Variants in GNA15 observed in about 807,000 individuals in gnomAD.
The protein encoded by GNA15 is G protein subunit alpha 15.
A neutral mutation model predicts 40.1 loss-of-function variants in GNA15; 23 were observed. The observed-to-expected ratio is 0.57, with a 90% CI of 0.41 to 0.81. The LOEUF is 0.81. GNA15 is among the 40% of genes least tolerant of loss of function. The pLI is 0.00. For missense variants in GNA15, 522 were observed against 515.8 expected, an observed-to-expected ratio of 1.01 and a Z score of -0.12; for synonymous variants, 226 against 210.4, an observed-to-expected ratio of 1.07 and a Z score of -0.64.
chr19:3,136,324 G>T lies in GNA15; in HGVS notation c.-127G>T. 1 of 951,214 alleles carries T rather than the reference G, an allele frequency of 1.1e-6. No homozygotes were observed. Among genetic ancestry groups the T allele is most frequent in the Admixed American group, 2.9e-5 (1 of 34,196 alleles). 58.9% of individuals were successfully genotyped at this position (951,214 alleles called of 1,614,324 possible). On this transcript the variant is annotated 5_prime_UTR_variant, in exon 1 of 7. Coordinates refer to ENST00000262958, the MANE Select transcript of GNA15 (RefSeq NM_002068.4). The surrounding 1 kb of genome is among the most constrained non-coding windows in gnomAD (Gnocchi z 4.9). ...AGGTCCCTGGGGGGTGACCCCCAAG[G>T]AAAAGGCAGCCTCCCTGCGCACCCG...
chr19:3,148,758 A>C lies in GNA15; in HGVS notation c.313A>C (p.Ser105Arg). The C allele has an allele frequency of 6.3e-7, 1 of 1,599,154 alleles. No homozygotes were observed. Among genetic ancestry groups the C allele is most frequent in the South Asian group, 1.1e-5 (1 of 88,946 alleles). The change falls in exon 2 of 7, where the codon AGC becomes CGC. Residue 105 changes from serine to arginine, a missense_variant. Physicochemically the swap from Ser to Arg is moderately radical, Grantham distance 110. Coordinates refer to ENST00000262958, the MANE Select transcript of GNA15 (RefSeq NM_002068.4). ...EAMERLQIPF[S>R]RPESKHHASL... ...CATGGAGCGGCTGCAGATTCCATTC[A>C]GCAGGCCCGAGAGCAAGGTGAGCCG...
intron 1 of GNA15, among the ~76,000 whole-genome samples, chr19:3,147,003 A>G (rs436517): frequency 1 from 151,934 of 152,154 alleles, 75,858 homozygotes; most frequent in Middle Eastern, 1. Context: ...GCCTTTGCAC[A>G]AGCTGTTACT....
At chr19:3,161,767 GATA>G (rs1408860653) in intron 6 of GNA15, among the ~76,000 whole-genome samples, 4 of 152,102 alleles carry the variant, frequency 2.6e-5, no homozygotes, top group African/African-American at 4.8e-5. Flanking sequence ...TAATATTTGT[GATA>G]ATAATAAGAA....
intron 1 of GNA15, among the ~76,000 whole-genome samples, chr19:3,143,996 C>T (rs927837728): frequency 4.6e-5 from 7 of 151,794 alleles, no homozygotes; most frequent in East Asian, 3.9e-4. Context: ...TGGTGGTGGG[C>T]GCCTGTCGTC....
At chr19:3,159,036 G>A (rs1915089124) in intron 6 of GNA15, among the ~76,000 whole-genome samples, 1 of 150,826 alleles carries the variant, frequency 6.6e-6, no homozygotes, top group Non-Finnish European at 1.5e-5. Flanking sequence ...TTTTTTGTTT[G>A]TTTTTTGAGA....
chr19:3,147,295 G>A (rs1361844343), intron 1 of GNA15, among the ~76,000 whole-genome samples: 1 of 152,168 alleles, frequency 6.6e-6, no homozygotes. Flanking sequence ...GCTCACGCCT[G>A]TAATCCCAGC....
chr19:3,163,067 G>A lies in GNA15; in HGVS notation c.*48G>A, dbSNP rs1335928542. The A allele has an allele frequency of 3.2e-6, 4 of 1,240,378 alleles. No individual in the cohort carries two copies. The African/African-American group carries it at 5.9e-5, about 18-fold the overall frequency. The allele number at this position is 1,240,378 out of a possible 1,614,324, so 76.8% of individuals were successfully genotyped here. ...CGGCACCGGCGGGCGGGTGGGAGGT[G>A]GGAGTGGCTGCAGGGACCCCTAGTG... On this transcript the variant is annotated 3_prime_UTR_variant, in exon 7 of 7. Transcript: ENST00000262958.
chr19:3,151,061 C>T lies in GNA15; in HGVS notation c.486-646C>T, dbSNP rs1186558162. ...TGGAGGGACCCTGTTCCTGGGGGGA[C>T]CTTGTTCCTGGGGGAACCCTATTCC... On this transcript the variant is annotated intron_variant, in intron 3 of 6. Transcript: ENST00000262958. This position sits in a 1 kb window ranked among gnomAD's most constrained non-coding sequence, Gnocchi z 5.0. 6.6e-6 allele frequency among the ~76,000 whole-genome samples: 1 copy of T among 151,860 alleles called. No homozygotes were observed. The highest frequency in any genetic ancestry group is 1.5e-5 in the Non-Finnish European group (1 of 67,844).
chr19:3,138,937 C>A lies in GNA15; in HGVS notation c.145+2342C>A, dbSNP rs541864996. Among the ~76,000 whole-genome samples the A allele has an allele frequency of 3.9e-4, 48 of 123,632 alleles. 1 individual carries two copies. The highest frequency in any genetic ancestry group is 3.2e-3 in the Admixed American group (38 of 11,864). The allele number at this position is 123,632 out of a possible 152,430, so 81.1% of individuals were successfully genotyped here. On this transcript the variant is annotated intron_variant, in intron 1 of 6. Transcript: ENST00000262958. ...ACAGGCGTGAGCCACCGCGCCCAGC[C>A]TCTTTTTTTTTTTTTTTCTTTTTTT...
intron 1 of GNA15, among the ~76,000 whole-genome samples, chr19:3,144,734 T>A (rs570211734): frequency 6.6e-6 from 1 of 151,712 alleles, no homozygotes; most frequent in Non-Finnish European, 1.5e-5. Flanking sequence ...TTCACCGTGT[T>A]AGCCAGGATG....
intron 2 of GNA15, chr19:3,149,697 A>G (rs310681): frequency 0.77 from 121,786 of 158,920 alleles, 46,996 homozygotes; most frequent in African/African-American, 0.86. Context: ...AGAAGGGGAA[A>G]CCCAGAGTCT....
intron 1 of GNA15, among the ~76,000 whole-genome samples, chr19:3,144,091 T>C (rs1410821673): frequency 2.1e-5 from 3 of 143,054 alleles, no homozygotes; most frequent in Non-Finnish European, 3.0e-5. Flanking sequence ...GACACTGCAC[T>C]CCAGCCTGGG....
At chr19:3,149,702 G>A (rs1914831455) in intron 2 of GNA15, 1 of 159,426 alleles carries the variant, frequency 6.3e-6, no homozygotes, top group Admixed American at 6.1e-5. Flanking sequence ...GGGAAACCCA[G>A]AGTCTGGGGG....
chr19:3,158,030 C>T (rs190039197), intron 6 of GNA15, 149 bp downstream of exon 6: 59 of 648,056 alleles, frequency 9.1e-5, no homozygotes, highest in African/African-American at 3.4e-4. Context: ...ATCCACTGCC[C>T]GACCTCATTG....
chr19:3,145,353 ATATATATT>A (rs1441268843), intron 1 of GNA15, among the ~76,000 whole-genome samples: 1 of 34,266 alleles, frequency 2.9e-5, no homozygotes, highest in African/African-American at 2.0e-4. Context: ...ATATATATAT[ATATATATT>A]TTTTTTTTTT....
At chr19:3,147,886 T>TCA (rs1297192127) in intron 1 of GNA15, among the ~76,000 whole-genome samples, 16 of 47,232 alleles carry the variant, frequency 3.4e-4, no homozygotes, top group South Asian at 2.8e-3. Flanking sequence ...AGACTCCATC[T>TCA]CAAAAAAAAA....
intron 2 of GNA15, chr19:3,149,149 G>T: frequency 4.5e-6 from 1 of 221,712 alleles, no homozygotes; most frequent in Non-Finnish European, 9.1e-6. Context: ...ATGCACACAA[G>T]GATCCATGCA....
chr19:3,142,614 T>C (rs1447256156), intron 1 of GNA15, among the ~76,000 whole-genome samples: 1 of 152,024 alleles, frequency 6.6e-6, no homozygotes, highest in Non-Finnish European at 1.5e-5. Flanking sequence ...CTCAGGCCTG[T>C]CATCCCAGCA....
Position 3,155,721 on chromosome 19 carries a change from G to C in GNA15, c.615-102G>C. 1.5e-6 allele frequency: 2 copies of C among 1,340,250 alleles called. No homozygotes were observed. Among genetic ancestry groups the C allele is most frequent in the Non-Finnish European group, 2.0e-6 (2 of 977,376 alleles). The allele number at this position is 1,340,250 out of a possible 1,614,324, so 83.0% of individuals were successfully genotyped here. A position where few individuals can be genotyped will look rare whatever the true frequency, so the allele number is the denominator to read the frequency against. ...CGAGAGGCTAGCACCTATTCTTGCT[G>C]TCGCTATTATGGATCTTGGCATATC... On this transcript the variant is annotated intron_variant, in intron 4 of 6. Transcript: ENST00000262958. The surrounding 1 kb of genome is among the most constrained non-coding windows in gnomAD (Gnocchi z 5.6).
Sources: allele counts gnomAD v4.1 joint callset (sites outside exome capture counted in the v4.1 genomes callset), GRCh38; gene constraint gnomAD v4.1.1; non-coding constraint Gnocchi (gnomAD v3.1); transcripts MANE v1.5; gene names NCBI Gene and HGNC (gene_info 2026-07-23, HGNC 2026-07-21).